The following DDAH1 variants were observed in gnomAD, a reference collection of about 807,000 sequenced individuals.
DDAH1 encodes the protein dimethylarginine dimethylaminohydrolase 1.
A neutral mutation model predicts 28.8 loss-of-function variants in DDAH1; 19 were observed. The observed-to-expected ratio is 0.66, with a 90% confidence interval of 0.46 to 0.97. DDAH1 has a LOEUF of 0.97. Ranked by LOEUF, DDAH1 falls within the 50% of genes least tolerant of loss-of-function variation. DDAH1 has a pLI of 0.00. For synonymous variants in DDAH1, 153 were observed against 154.4 expected, an observed-to-expected ratio of 0.99 and a Z score of 0.07; for missense variants, 326 against 375.9, an observed-to-expected ratio of 0.87 and a Z score of 1.10.
intron 2 of DDAH1, among the ~76,000 whole-genome samples, chr1:85,488,051 G>A (rs922141371): frequency 2.0e-5 from 3 of 151,984 alleles, no homozygotes; most frequent in Non-Finnish European, 4.4e-5. Flanking sequence ...CAGGTGTGGT[G>A]GTGCACACCT....
At chr1:85,417,186 C>A (rs1441928663) in intron 1 of DDAH1, among the ~76,000 whole-genome samples, 2 of 152,160 alleles carry the variant, frequency 1.3e-5, no homozygotes, top group African/African-American at 4.8e-5. Flanking sequence ...ATCTGAGACC[C>A]CGACAGCCAA....
chr1:85,465,015 C>T lies in DDAH1; in HGVS notation c.31G>A (p.Gly11Ser), dbSNP rs906752144. 2 of 1,337,086 alleles carry T rather than the reference C, an allele frequency of 1.5e-6. No homozygotes were observed. The highest frequency in any genetic ancestry group is 1.5e-5 in the African/African-American group (1 of 65,886). 82.8% of individuals were successfully genotyped at this position (1,337,086 alleles called of 1,614,324 possible). A position where few individuals can be genotyped will look rare whatever the true frequency, so the allele number is the denominator to read the frequency against. The change falls in exon 1 of 6, where the codon GGC becomes AGC. Residue 11 changes from glycine to serine, a missense_variant. Transcript: ENST00000284031. ...CGCACCACGGCGTGGGTGGCCCGGC[C>T]GAAGGCGGCGGGGTGGCCGAGCCCG... MAGLGHPAAF[G>S]RATHAVVRAL...
At chr1:85,426,061 G>T (rs1337911890) in intron 1 of DDAH1, among the ~76,000 whole-genome samples, 1 of 152,134 alleles carries the variant, frequency 6.6e-6, no homozygotes, top group Admixed American at 6.6e-5. Context: ...TAGGATTGTT[G>T]CAAGAATTAA....
At chr1:85,338,734 T>G (rs1648283140) in intron 4 of DDAH1, among the ~76,000 whole-genome samples, 1 of 152,118 alleles carries the variant, frequency 6.6e-6, no homozygotes, top group Non-Finnish European at 1.5e-5. Context: ...ACCACTAACT[T>G]ACACTATTCA....
At chr1:85,439,020 A>G (rs563479887) in intron 1 of DDAH1, among the ~76,000 whole-genome samples, 1 of 152,244 alleles carries the variant, frequency 6.6e-6, no homozygotes, top group Admixed American at 6.5e-5. Context: ...ACTTCTTTGA[A>G]CTCCAACTAG....
At chr1:85,426,931 A>AC (rs1653427845) in intron 1 of DDAH1, among the ~76,000 whole-genome samples, 1 of 151,266 alleles carries the variant, frequency 6.6e-6, no homozygotes, top group South Asian at 2.1e-4. Context: ...CAAAAAAAAA[A>AC]AAAAAAAAGG....
chr1:85,328,196 T>A (rs1377043005), intron 4 of DDAH1, among the ~76,000 whole-genome samples: 1 of 152,226 alleles, frequency 6.6e-6, no homozygotes, highest in Non-Finnish European at 1.5e-5. Context: ...TGACTCTGGA[T>A]GACAAAGTAA....
At chr1:85,459,930 C>T (rs929772877) in intron 1 of DDAH1, among the ~76,000 whole-genome samples, 1 of 152,160 alleles carries the variant, frequency 6.6e-6, no homozygotes, top group Non-Finnish European at 1.5e-5. Flanking sequence ...AGTTATTCTA[C>T]ATAGATTTAA....
At position 85,400,177 on chromosome 1, in the gene DDAH1, C is replaced by CTTTTT. The variant is rs61677601; in HGVS notation, c.304-41335_304-41331dup. 1.5e-3 allele frequency among the ~76,000 whole-genome samples: 82 copies of CTTTTT among 54,950 alleles called. 1 individual carries two copies. Among genetic ancestry groups the CTTTTT allele is most frequent in the African/African-American group, 4.2e-3 (78 of 18,718 alleles). The allele number at this position is 54,950 out of a possible 152,430, so 36.0% of individuals were successfully genotyped here. On this transcript the variant is annotated intron_variant, in intron 1 of 5. Transcript: ENST00000284031. ...TGCAGGAATTCCTTTCTTTTCTTTT[C>CTTTTT]TTTTTTTTTTTTTTTTTTTTTTTTT...
intron 1 of DDAH1, among the ~76,000 whole-genome samples, chr1:85,402,161 AT>A (rs11365834): frequency 0.3 from 35,844 of 120,270 alleles, 4,746 homozygotes; most frequent in African/African-American, 0.33. Context: ...TAATACTTCT[AT>A]TTTTTTTTTT....
At chr1:85,507,060 T>C (rs1189146932) in intron 1 of DDAH1, among the ~76,000 whole-genome samples, 1 of 152,194 alleles carries the variant, frequency 6.6e-6, no homozygotes, top group Non-Finnish European at 1.5e-5. Flanking sequence ...CTACAATCTC[T>C]TCAATGTAGA....
intron 1 of DDAH1, among the ~76,000 whole-genome samples, chr1:85,415,590 TAAAATA>T (rs1652855273): frequency 6.6e-6 from 1 of 152,096 alleles, no homozygotes; most frequent in Admixed American, 6.6e-5. Flanking sequence ...TAATGTTAAG[TAAAATA>T]AGTCACACAA....
At chr1:85,402,649 G>A (rs560232916) in intron 1 of DDAH1, among the ~76,000 whole-genome samples, 4 of 152,202 alleles carry the variant, frequency 2.6e-5, no homozygotes, top group African/African-American at 7.2e-5. Context: ...GGTGGTTCAC[G>A]CCTGTAATCC....
At chr1:85,326,144 C>T (rs955072301) in intron 4 of DDAH1, among the ~76,000 whole-genome samples, 1 of 152,194 alleles carries the variant, frequency 6.6e-6, no homozygotes, top group Non-Finnish European at 1.5e-5. Context: ...ATAGTAAGCC[C>T]TTCCTGACTC....
chr1:85,491,414 G>A lies in DDAH1; in HGVS notation c.-7+4752C>T, dbSNP rs114757619. Reference sequence around the variant, plus strand: ...GGATTGTTTTCAAACTGCAGACAAAGACAAAGGAATCCTCTTTCTTTGCTG... The same window carrying A: ...GGATTGTTTTCAAACTGCAGACAAAAACAAAGGAATCCTCTTTCTTTGCTG... On this transcript the variant is annotated intron_variant, in intron 2 of 6. Transcript: ENST00000426972. Among the ~76,000 whole-genome samples, 1,518 of 152,290 alleles carry A rather than the reference G, an allele frequency of 1.0e-2. 21 individuals are homozygous for A. Among genetic ancestry groups the A allele is most frequent in the African/African-American group, 0.034 (1,416 of 41,556 alleles).
chr1:85,547,106 G>A (rs773848622), intron 1 of DDAH1, among the ~76,000 whole-genome samples: 5 of 152,122 alleles, frequency 3.3e-5, no homozygotes, highest in Non-Finnish European at 7.4e-5. Flanking sequence ...GTGGTTAAGA[G>A]TGAAAGAGGC....
At position 85,451,664 on chromosome 1, in the gene DDAH1, T is replaced by C. The variant is rs1049780621; in HGVS notation, c.303+13079A>G. On this transcript the variant is annotated intron_variant, in intron 1 of 5. Transcript: ENST00000284031. ...TGCCTCCTGAGTCAGCTTAGAAGCA[T>C]GTGTCTCTAGATACCTGGGTTGAGT... 3.9e-5 allele frequency among the ~76,000 whole-genome samples: 6 copies of C among 152,182 alleles called. No individual in the cohort carries two copies. The South Asian group carries it at 1.0e-3, about 26-fold the overall frequency.
chr1:85,358,451 A>G (rs1436816927), intron 2 of DDAH1, among the ~76,000 whole-genome samples: 1 of 152,114 alleles, frequency 6.6e-6, no homozygotes, highest in Non-Finnish European at 1.5e-5. Flanking sequence ...GGAGTTTGAG[A>G]CCAGCCTGGC....
At chr1:85,412,982 C>A (rs962719823) in intron 1 of DDAH1, among the ~76,000 whole-genome samples, 1 of 152,126 alleles carries the variant, frequency 6.6e-6, no homozygotes, top group African/African-American at 2.4e-5. Context: ...GCCTGGGTGA[C>A]AGAGCAAGAC....
Sources: allele counts gnomAD v4.1 joint callset (sites outside exome capture counted in the v4.1 genomes callset), GRCh38; gene constraint gnomAD v4.1.1; transcripts MANE v1.5; gene names NCBI Gene and HGNC (gene_info 2026-07-23, HGNC 2026-07-21).